ANKRD12: variants seen among roughly 807,000 people sequenced by gnomAD.
ANKRD12 encodes ankyrin repeat domain-containing protein 12.
Under a neutral mutation model 183.4 loss-of-function variants are expected in ANKRD12, and 85 were observed. That is an observed-to-expected ratio of 0.46 (90% CI 0.39 to 0.56). The LOEUF (loss-of-function observed/expected upper bound fraction) is 0.56. Among genes scored for constraint, ANKRD12 ranks in the 20% least tolerant of loss-of-function variants. ANKRD12 has a pLI of 0.00. For missense variants in ANKRD12, 2,405 were observed against 2,357.1 expected (o/e 1.02, Z -0.42); for synonymous variants, 914 against 800.2 (o/e 1.14, Z -2.40).
chr18:9,200,057 C>T (rs1048694225), intron 3 of ANKRD12, among the ~76,000 whole-genome samples: 1 of 152,176 alleles, frequency 6.6e-6, no homozygotes, highest in Non-Finnish European at 1.5e-5. Flanking sequence ...CCCAAATCAG[C>T]AGTAATGCTG....
chr18:9,246,447 C>T (rs889546692), intron 8 of ANKRD12, among the ~76,000 whole-genome samples: 9 of 152,178 alleles, frequency 5.9e-5, no homozygotes, highest in African/African-American at 1.2e-4. Flanking sequence ...ACCTCTCCTT[C>T]CCTGCCCATG....
At chr18:9,207,572 C>A (rs1000227548) in intron 4 of ANKRD12, among the ~76,000 whole-genome samples, 2 of 151,926 alleles carry the variant, frequency 1.3e-5, no homozygotes, top group Non-Finnish European at 2.9e-5. Context: ...TCTAAACTTG[C>A]TAGATTAAAA....
intron 2 of ANKRD12, among the ~76,000 whole-genome samples, chr18:9,183,083 A>G (rs1319083935): frequency 2.6e-5 from 4 of 152,220 alleles, no homozygotes; most frequent in Non-Finnish European, 4.4e-5. Flanking sequence ...GAACATTGCC[A>G]TCATTGTGGA....
chr18:9,155,556 G>A (rs904033392), intron 1 of ANKRD12, among the ~76,000 whole-genome samples: 5 of 152,232 alleles, frequency 3.3e-5, no homozygotes, highest in African/African-American at 4.8e-5. Context: ...TCTCCAAGGA[G>A]AATATATCCC....
chr18:9,159,533 G>C (rs895199512), intron 1 of ANKRD12, among the ~76,000 whole-genome samples: 4 of 151,904 alleles, frequency 2.6e-5, no homozygotes, highest in South Asian at 4.2e-4. Context: ...CCGGGTTCCT[G>C]CCATTCTCCT....
chr18:9,220,551 G>A (rs780876745), intron 7 of ANKRD12, among the ~76,000 whole-genome samples: 10 of 152,168 alleles, frequency 6.6e-5, no homozygotes, highest in Admixed American at 6.5e-5. Flanking sequence ...TCAGTGACTG[G>A]GAAAATTTTG....
In ANKRD12 at chr18:9,256,046, G is replaced by A; in HGVS notation, c.2779G>A (p.Glu927Lys). 1 of 1,554,418 alleles carries A rather than the reference G, an allele frequency of 6.4e-7. No homozygotes were observed. Among genetic ancestry groups the A allele is most frequent in the African/African-American group, 1.4e-5 (1 of 71,536 alleles). The stretch of plus-strand genomic sequence containing the variant: ...AGAGAGGCATCTAGCAGAAAGCAAA[G>A]AAAAGCACTTGATGGAGAAAAAAAA... Reference protein sequence around the residue: ...EKERHLAESKEKHLMEKKNKQ... With the variant: ...EKERHLAESKKKHLMEKKNKQ... The change falls in exon 9 of 13, where the codon GAA becomes AAA. Residue 927 changes from glutamate to lysine, a missense_variant. By Grantham distance (56) the Glu-to-Lys change is moderately conservative. Transcript: ENST00000262126.
chr18:9,269,625 T>C (rs570218098), intron 10 of ANKRD12, among the ~76,000 whole-genome samples: 149 of 152,318 alleles, frequency 9.8e-4, no homozygotes, highest in South Asian at 1.9e-3. Flanking sequence ...TAATTCAAGA[T>C]GGATTAAAGA....
At chr18:9,259,654 T>A (rs1372800654) in intron 9 of ANKRD12, 1 of 152,190 alleles carries the variant, frequency 6.6e-6, no homozygotes, top group Non-Finnish European at 1.5e-5. Flanking sequence ...TATTCCTGGA[T>A]GTAGTGGGAA....
intron 1 of ANKRD12, among the ~76,000 whole-genome samples, chr18:9,143,098 A>G (rs965819937): frequency 6.6e-6 from 1 of 152,214 alleles, no homozygotes; most frequent in Non-Finnish European, 1.5e-5. Flanking sequence ...CTTGGAAGTT[A>G]CTTGGTAATC....
At chr18:9,272,954 G>A (rs964891970) in intron 10 of ANKRD12, among the ~76,000 whole-genome samples, 1 of 150,410 alleles carries the variant, frequency 6.6e-6, no homozygotes, top group African/African-American at 2.5e-5. Context: ...GAGAGAATGG[G>A]AAACGTGGGG....
intron 5 of ANKRD12, among the ~76,000 whole-genome samples, chr18:9,210,874 T>C (rs895173731): frequency 2.0e-5 from 3 of 152,038 alleles, no homozygotes; most frequent in Non-Finnish European, 4.4e-5. Flanking sequence ...GCAGTTCCTT[T>C]TATATAGTTG....
At chr18:9,168,217 G>T (rs2032292940) in intron 1 of ANKRD12, among the ~76,000 whole-genome samples, 1 of 152,130 alleles carries the variant, frequency 6.6e-6, no homozygotes, top group Admixed American at 6.5e-5. Flanking sequence ...TTGGTATCAG[G>T]ATGATGCTGG....
At chr18:9,280,582 A>G (rs758734003) in intron 12 of ANKRD12, among the ~76,000 whole-genome samples, 2 of 152,192 alleles carry the variant, frequency 1.3e-5, no homozygotes, top group Non-Finnish European at 2.9e-5. Flanking sequence ...TGAGGTCAGG[A>G]GTTCAAAACC....
chr18:9,237,009 T>C (rs1465082292), intron 8 of ANKRD12, among the ~76,000 whole-genome samples: 1 of 152,150 alleles, frequency 6.6e-6, no homozygotes, highest in African/African-American at 2.4e-5. Context: ...AAAAGGATAA[T>C]TGCAAACATT....
intron 2 of ANKRD12, among the ~76,000 whole-genome samples, chr18:9,184,040 T>C (rs892180273): frequency 2.6e-5 from 4 of 152,198 alleles, no homozygotes; most frequent in Admixed American, 6.5e-5. Context: ...CAGGTTGATA[T>C]TGACACAATT....
chr18:9,169,613 T>C (rs937379402), intron 1 of ANKRD12, among the ~76,000 whole-genome samples: 41 of 152,274 alleles, frequency 2.7e-4, no homozygotes, highest in African/African-American at 9.1e-4. Flanking sequence ...TTTCTCTGCA[T>C]GTGAGATGGG....
chr18:9,226,947 C>T (rs1273790455), intron 8 of ANKRD12, among the ~76,000 whole-genome samples: 1 of 152,048 alleles, frequency 6.6e-6, no homozygotes. Flanking sequence ...AAGGCAATAC[C>T]TGCTCCTAGA....
intron 6 of ANKRD12, among the ~76,000 whole-genome samples, chr18:9,212,055 C>G (rs1218060073): frequency 6.6e-6 from 1 of 151,876 alleles, no homozygotes; most frequent in Admixed American, 6.6e-5. Flanking sequence ...AGGTTTTGCC[C>G]TAGATGAATT....
Sources: allele counts gnomAD v4.1 joint callset (sites outside exome capture counted in the v4.1 genomes callset), GRCh38; gene constraint gnomAD v4.1.1; transcripts MANE v1.5; gene names NCBI Gene and HGNC (gene_info 2026-07-23, HGNC 2026-07-21).